TRIM36: variants seen among roughly 807,000 people sequenced by gnomAD.
The protein encoded by TRIM36 is E3 ubiquitin-protein ligase TRIM36.
In TRIM36, 42 loss-of-function variants were observed where a neutral mutation model predicts 72.4. The ratio of observed to expected loss-of-function variants is 0.58; its 90% CI spans 0.45 to 0.75. TRIM36 has a LOEUF of 0.75. Ranked by LOEUF, TRIM36 falls within the 30% of genes least tolerant of loss-of-function variation. TRIM36 has a pLI of 0.00. For missense variants in TRIM36, 913 were observed against 857.1 expected, an observed-to-expected ratio of 1.07 and a Z score of -0.81; for synonymous variants, 315 against 282.8, an observed-to-expected ratio of 1.11 and a Z score of -1.14.
rs376911373 is a variant in TRIM36, at chr5:115,176,698, T to A, written c.63+3277A>T. ...GATTCCAGAAGCGGTGATAAAAAAA[T>A]TAGTGAGGCAAATCTTACAAGAGAC... is the stretch of plus-strand genomic sequence containing the variant. On this transcript the variant is annotated intron_variant, in intron 1 of 9. Transcript: ENST00000282369. 8.5e-5 allele frequency among the ~76,000 whole-genome samples: 13 copies of A among 152,322 alleles called. No homozygotes were observed. The East Asian group carries it at 2.1e-3, about 25-fold the overall frequency.
intron 1 of TRIM36, among the ~76,000 whole-genome samples, chr5:115,176,760 G>A (rs975837746): frequency 6.6e-6 from 1 of 150,948 alleles, no homozygotes; most frequent in Non-Finnish European, 1.5e-5. Context: ...AGTAACCTTA[G>A]ATATTGACCA....
At chr5:115,173,846 T>G (rs1258735491), upstream of TRIM36, among the ~76,000 whole-genome samples, 2 of 152,220 alleles carry the variant, frequency 1.3e-5, no homozygotes, top group Non-Finnish European at 2.9e-5. Context: ...ACCTATCCTA[T>G]TCTTATCCCC....
chr5:115,169,547 G>A (rs1308726780), intron 1 of TRIM36, 61 bp downstream of exon 1: 3 of 1,480,780 alleles, frequency 2.0e-6, no homozygotes, highest in African/African-American at 1.4e-5. Context: ...GGAGGAAAGA[G>A]AAAGAGCCGC....
chr5:115,159,982 TTTTG>T (rs1422028868), intron 2 of TRIM36, among the ~76,000 whole-genome samples: 1 of 151,960 alleles, frequency 6.6e-6, no homozygotes, highest in African/African-American at 2.4e-5. Flanking sequence ...ATCAAACATC[TTTTG>T]TTTGACTTTT....
chr5:115,167,019 G>A (rs1754816414), intron 1 of TRIM36, among the ~76,000 whole-genome samples: 1 of 152,214 alleles, frequency 6.6e-6, no homozygotes. Flanking sequence ...TGGCAGCCGT[G>A]GGATCTGGGC....
At chr5:115,127,506 G>A (rs531816015) in intron 9 of TRIM36, among the ~76,000 whole-genome samples, 11 of 152,280 alleles carry the variant, frequency 7.2e-5, no homozygotes, top group African/African-American at 2.6e-4. Flanking sequence ...AGTTGCAGTG[G>A]ACCGAGATAG....
chr5:115,144,996 T>G (rs1753504744), intron 3 of TRIM36, among the ~76,000 whole-genome samples: 1 of 152,174 alleles, frequency 6.6e-6, no homozygotes, highest in South Asian at 2.1e-4. Context: ...ACATGCCTGA[T>G]CTCGTCATAA....
chr5:115,171,642 C>T (rs1047944422), upstream of TRIM36, among the ~76,000 whole-genome samples: 8 of 152,298 alleles, frequency 5.3e-5, no homozygotes, highest in East Asian at 7.7e-4. Context: ...TAGAAGGCTC[C>T]ATTAACAGGA....
chr5:115,154,151 A>T (rs1354715775), intron 2 of TRIM36, among the ~76,000 whole-genome samples: 1 of 151,950 alleles, frequency 6.6e-6, no homozygotes, highest in Non-Finnish European at 1.5e-5. Flanking sequence ...CAATAGTGAC[A>T]CAACCTATCA....
At chr5:115,171,272 C>A (rs769385913), upstream of TRIM36, 27 of 1,609,532 alleles carry the variant, frequency 1.7e-5, no homozygotes, top group African/African-American at 3.6e-4. Context: ...TAGCAATTTT[C>A]TCTAATGGAA....
chr5:115,142,723 G>T (rs542925309), intron 4 of TRIM36, among the ~76,000 whole-genome samples: 3 of 152,212 alleles, frequency 2.0e-5, no homozygotes, highest in South Asian at 4.1e-4. Context: ...TTTATTCACA[G>T]GTCTCTAAAA....
At chr5:115,131,685 C>T (rs539535281) in intron 8 of TRIM36, among the ~76,000 whole-genome samples, 2 of 152,218 alleles carry the variant, frequency 1.3e-5, no homozygotes, top group South Asian at 2.1e-4. Flanking sequence ...TGGATACATA[C>T]ATTTGGATAC....
At chr5:115,158,803 AC>A (rs1247143916) in intron 2 of TRIM36, among the ~76,000 whole-genome samples, 3 of 152,228 alleles carry the variant, frequency 2.0e-5, no homozygotes. Flanking sequence ...CCTTCTAATT[AC>A]TAAATTTCAA....
rs779124683 is a variant in TRIM36 at position 115,143,319 on chromosome 5, T to C, written c.735+1279A>G. Reference sequence around the variant, plus strand: ...TTTTACTTCAATAGTCAGATAAAATTAGCCCTTAAAATTAAATGCTGTTCT... The same window carrying C: ...TTTTACTTCAATAGTCAGATAAAATCAGCCCTTAAAATTAAATGCTGTTCT... On this transcript the variant is annotated intron_variant, in intron 4 of 9. Coordinates refer to ENST00000513154, the MANE Select transcript of TRIM36 (RefSeq NM_001300759.2). Among the ~76,000 whole-genome samples, 34 of 149,594 alleles carry C rather than the reference T, an allele frequency of 2.3e-4. 1 individual carries two copies.
intron 5 of TRIM36, among the ~76,000 whole-genome samples, chr5:115,138,399 T>C (rs1349449010): frequency 3.9e-5 from 6 of 152,092 alleles, no homozygotes; most frequent in African/African-American, 1.4e-4. Flanking sequence ...GCGCCTGGCC[T>C]AAAAAAGTTT....
chr5:115,159,010 G>A (rs1290574889), intron 2 of TRIM36, among the ~76,000 whole-genome samples: 1 of 152,162 alleles, frequency 6.6e-6, no homozygotes, highest in Non-Finnish European at 1.5e-5. Flanking sequence ...AGCAGTCAAT[G>A]TTATTTTTAA....
At chr5:115,157,520 C>T (rs1232327058) in intron 2 of TRIM36, among the ~76,000 whole-genome samples, 2 of 151,922 alleles carry the variant, frequency 1.3e-5, no homozygotes, top group Non-Finnish European at 2.9e-5. Flanking sequence ...GCCAAGATCA[C>T]GCCATTGCAC....
chr5:115,168,619 TC>T (rs1213806257), intron 1 of TRIM36, among the ~76,000 whole-genome samples: 1 of 152,248 alleles, frequency 6.6e-6, no homozygotes, highest in East Asian at 1.9e-4. Flanking sequence ...AGTGGGTGTT[TC>T]GATGCAGTCT....
chr5:115,130,958 T>G, intron 8 of TRIM36, 69 bp from the exon 9 acceptor site: 1 of 1,487,152 alleles, frequency 6.7e-7, no homozygotes, highest in Non-Finnish European at 9.0e-7. Context: ...ATCTGATAGG[T>G]TTTCTTACAG....
Sources: gnomAD v4.1 joint callset for allele counts (sites outside exome capture counted in the v4.1 genomes callset) on GRCh38, gnomAD v4.1.1 for gene constraint, MANE v1.5 for transcripts, NCBI Gene and HGNC (gene_info 2026-07-23, HGNC 2026-07-21) for gene names.